CEP112: variants seen among roughly 807,000 people sequenced by gnomAD.
The protein encoded by CEP112 is centrosomal protein 112.
CEP112 carries 127 observed loss-of-function variants against 153.0 expected under a neutral mutation model. That is an observed-to-expected ratio of 0.83 (90% CI 0.72 to 0.96). The LOEUF (loss-of-function observed/expected upper bound fraction) is 0.96. Ranked by LOEUF, CEP112 falls within the 40% of genes least tolerant of loss-of-function variation. CEP112 has a pLI of 0.00. For synonymous variants in CEP112, 358 were observed against 374.4 expected, an observed-to-expected ratio of 0.96 and a Z score of 0.51; for missense variants, 1,089 against 1,101.2, an observed-to-expected ratio of 0.99 and a Z score of 0.16.
chr17:65,895,759 G>A (rs1598919651), intron 20 of CEP112, among the ~76,000 whole-genome samples: 2 of 152,044 alleles, frequency 1.3e-5, no homozygotes, highest in Admixed American at 1.3e-4. Context: ...ATCTGTAAAT[G>A]GAATACAGTT....
At chr17:65,954,225 C>T (rs1389381830) in intron 18 of CEP112, among the ~76,000 whole-genome samples, 1 of 152,194 alleles carries the variant, frequency 6.6e-6, no homozygotes, top group Non-Finnish European at 1.5e-5. Flanking sequence ...GGTAGCTCCA[C>T]TGGGTGGCTA....
chr17:65,639,021 A>G (rs1324222563), intron 25 of CEP112, among the ~76,000 whole-genome samples: 1 of 152,142 alleles, frequency 6.6e-6, no homozygotes, highest in Non-Finnish European at 1.5e-5. Context: ...TTTTCATGTA[A>G]ATAAAAATTA....
intron 8 of CEP112, among the ~76,000 whole-genome samples, chr17:66,070,847 C>T (rs2067285800): frequency 6.6e-6 from 1 of 152,092 alleles, no homozygotes. Flanking sequence ...ATTCCAATCC[C>T]ACCATATATG....
At chr17:65,847,599 G>A (rs376112937) in intron 21 of CEP112, among the ~76,000 whole-genome samples, 1 of 152,260 alleles carries the variant, frequency 6.6e-6, no homozygotes, top group African/African-American at 2.4e-5. Flanking sequence ...TGTCATACCC[G>A]GAGGGCACCT....
At chr17:65,874,306 C>A (rs2058753706) in intron 20 of CEP112, among the ~76,000 whole-genome samples, 1 of 152,054 alleles carries the variant, frequency 6.6e-6, no homozygotes, top group Non-Finnish European at 1.5e-5. Flanking sequence ...TTAACAAAAG[C>A]TTATTGCTCT....
intron 11 of CEP112, among the ~76,000 whole-genome samples, chr17:66,055,519 G>A (rs1271639469): frequency 6.6e-6 from 1 of 152,102 alleles, no homozygotes; most frequent in Non-Finnish European, 1.5e-5. Context: ...CTCAGATAAT[G>A]GGCTCTAAAG....
chr17:65,785,955 T>C (rs888482156), intron 21 of CEP112, among the ~76,000 whole-genome samples: 11 of 152,196 alleles, frequency 7.2e-5, no homozygotes, highest in African/African-American at 2.4e-4. Context: ...CAATTTATAC[T>C]AAAAAAGGCA....
At chr17:66,024,398 A>G (rs1215804369) in intron 16 of CEP112, among the ~76,000 whole-genome samples, 1 of 152,144 alleles carries the variant, frequency 6.6e-6, no homozygotes, top group East Asian at 1.9e-4. Flanking sequence ...TGATAATATG[A>G]TCTTATACCT....
chr17:65,975,819 G>A (rs2063012456), intron 17 of CEP112, among the ~76,000 whole-genome samples: 1 of 152,204 alleles, frequency 6.6e-6, no homozygotes, highest in African/African-American at 2.4e-5. Context: ...GCCTTGAAAT[G>A]ACATGGCAAA....
Position 65,715,831 on chromosome 17 carries a change from C to A in CEP112, c.2608-26613G>T, listed in dbSNP as rs371404854. Among the ~76,000 whole-genome samples the A allele has an allele frequency of 2.6e-5, 4 of 152,094 alleles. No individual in the cohort carries two copies. The East Asian group carries it at 7.7e-4, about 29-fold the overall frequency. On this transcript the variant is annotated intron_variant, in intron 23 of 26. Transcript: ENST00000535342. ...AGGAGGTGGTTATCAGAGTTGAATG[C>A]CGATCAGGGGAGTTAGGGGGATTTG...
intron 6 of CEP112, among the ~76,000 whole-genome samples, chr17:66,129,376 G>GCCA (rs2070019346): frequency 2.0e-5 from 3 of 152,168 alleles, no homozygotes. Flanking sequence ...CCCCTTGAGT[G>GCCA]TTTTTAACCC....
At chr17:66,028,544 T>C (rs2065322582) in intron 14 of CEP112, 139 bp from the exon 15 acceptor site, 1 of 427,670 alleles carries the variant, frequency 2.3e-6, no homozygotes, top group African/African-American at 2.0e-5. Context: ...GAATGAAAAA[T>C]GTTTTTAAAA....
intron 8 of CEP112, among the ~76,000 whole-genome samples, chr17:66,086,757 C>A (rs191615259): frequency 6.6e-6 from 1 of 150,674 alleles, no homozygotes; most frequent in African/African-American, 2.5e-5. Context: ...GAAAAAAAAA[C>A]GTAAATATAT....
intron 17 of CEP112, among the ~76,000 whole-genome samples, chr17:65,964,172 C>T (rs2062325543): frequency 6.6e-6 from 1 of 152,194 alleles, no homozygotes; most frequent in Non-Finnish European, 1.5e-5. Context: ...TCTTGTTGTT[C>T]ACCATGTTTC....
intron 21 of CEP112, among the ~76,000 whole-genome samples, chr17:65,785,488 T>C (rs893916387): frequency 6.6e-6 from 1 of 152,240 alleles, no homozygotes; most frequent in African/African-American, 2.4e-5. Flanking sequence ...TCGTCTGTCT[T>C]GTTGATTACA....
At chr17:66,071,791 A>G (rs1264639664) in intron 8 of CEP112, among the ~76,000 whole-genome samples, 1 of 152,186 alleles carries the variant, frequency 6.6e-6, no homozygotes, top group Non-Finnish European at 1.5e-5. Flanking sequence ...AGAAAAAAGT[A>G]GAGCAAATAC....
intron 6 of CEP112, among the ~76,000 whole-genome samples, chr17:66,112,901 A>T (rs2069122994): frequency 6.6e-6 from 1 of 152,092 alleles, no homozygotes; most frequent in African/African-American, 2.4e-5. Flanking sequence ...AGCCAAGATC[A>T]TGTCATTGCA....
Position 65,961,515 on chromosome 17 carries a change from T to C in CEP112, c.1820A>G (p.Lys607Arg). Residue 607 changes from lysine (K) to arginine (R), a missense_variant, in exon 18 of 27, where the codon AAG (lysine) becomes AGG (arginine). Coordinates refer to ENST00000535342, the MANE Select transcript of CEP112 (RefSeq NM_001199165.4). ...QQADAALEEF[K>R]RQVELNSEKV... ...CTCTGAGTTCAGTTCCACCTGCCGC[T>C]TAAACTCTTCCAGAGCGGCATCTGC... 1 of 1,613,598 alleles carries C rather than the reference T, an allele frequency of 6.2e-7. No homozygotes were observed. Among genetic ancestry groups the C allele is most frequent in the South Asian group, 1.1e-5 (1 of 91,034 alleles).
intron 21 of CEP112, among the ~76,000 whole-genome samples, chr17:65,835,606 T>A (rs1044428493): frequency 6.6e-6 from 1 of 152,056 alleles, no homozygotes; most frequent in Non-Finnish European, 1.5e-5. Flanking sequence ...TAAGAATACA[T>A]ACCCAACTTC....
Sources: gnomAD v4.1 joint callset for allele counts (sites outside exome capture counted in the v4.1 genomes callset) on GRCh38, gnomAD v4.1.1 for gene constraint, MANE v1.5 for transcripts, NCBI Gene and HGNC (gene_info 2026-07-23, HGNC 2026-07-21) for gene names.